The following KHDRBS3 variants were observed in gnomAD, a reference collection of about 807,000 sequenced individuals.
KHDRBS3 encodes the protein KH domain-containing, RNA-binding, signal transduction-associated protein 3.
In KHDRBS3, 23 loss-of-function variants were observed where a neutral mutation model predicts 45.6. The observed-to-expected ratio is 0.50, with a 90% CI of 0.36 to 0.72. The LOEUF (loss-of-function observed/expected upper bound fraction) is 0.72, where lower values mean the gene tolerates loss of function less well. Ranked by LOEUF, KHDRBS3 falls within the 30% of genes least tolerant of loss-of-function variation. The probability of loss-of-function intolerance (pLI) is 0.00; values close to 1 mark genes in which losing one functional copy is unlikely to be tolerated. For missense variants in KHDRBS3, 352 were observed against 424.8 expected (o/e 0.83, Z 1.51); for synonymous variants, 162 against 156.5 (o/e 1.04, Z -0.26).
At chr8:135,589,504 G>A (rs969485404) in intron 6 of KHDRBS3, among the ~76,000 whole-genome samples, 1 of 152,198 alleles carries the variant, frequency 6.6e-6, no homozygotes, top group East Asian at 1.9e-4. Context: ...AGCAGGAACT[G>A]TAAACTGTTT....
At position 135,535,868 on chromosome 8, in the gene KHDRBS3, T is replaced by C. The variant is rs138859640; in HGVS notation, c.208-6786T>C. On this transcript the variant is annotated intron_variant, in intron 2 of 8. Coordinates refer to ENST00000355849, the MANE Select transcript of KHDRBS3 (RefSeq NM_006558.3). ...GGTCCCTGCTTCTAAGATGGTGCCTTAAACACCGATTCCTCCTGAAGATTA... is the reference window on the plus strand; with the variant it reads ...GGTCCCTGCTTCTAAGATGGTGCCTCAAACACCGATTCCTCCTGAAGATTA... Among the ~76,000 whole-genome samples the C allele has an allele frequency of 4.7e-3, 709 of 152,288 alleles. 2 individuals are homozygous for C. The highest frequency in any genetic ancestry group is 7.2e-3 in the Non-Finnish European group (488 of 68,028).
At chr8:135,560,414 T>TA (rs1827113818) in intron 5 of KHDRBS3, among the ~76,000 whole-genome samples, 1 of 152,120 alleles carries the variant, frequency 6.6e-6, no homozygotes, top group South Asian at 2.1e-4. Flanking sequence ...AAATTACTCT[T>TA]ACACCTTTTT....
intron 7 of KHDRBS3, among the ~76,000 whole-genome samples, chr8:135,620,241 T>C (rs1308738665): frequency 6.6e-6 from 1 of 152,124 alleles, no homozygotes; most frequent in Non-Finnish European, 1.5e-5. Flanking sequence ...ACTGTCACTT[T>C]ACTCTTTAAT....
intron 6 of KHDRBS3, among the ~76,000 whole-genome samples, chr8:135,602,577 T>C (rs1015431070): frequency 1.7e-5 from 1 of 57,354 alleles, no homozygotes; most frequent in African/African-American, 3.8e-5. Flanking sequence ...AATATTTTAG[T>C]TTTTTTTTTA....
At chr8:135,475,268 G>A (rs1407697610) in intron 1 of KHDRBS3, among the ~76,000 whole-genome samples, 1 of 152,118 alleles carries the variant, frequency 6.6e-6, no homozygotes, top group Non-Finnish European at 1.5e-5. Flanking sequence ...ATGACTGTGT[G>A]TGGCAAAAAA....
At chr8:135,564,639 A>AT (rs1178124469) in intron 5 of KHDRBS3, among the ~76,000 whole-genome samples, 2 of 151,856 alleles carry the variant, frequency 1.3e-5, no homozygotes, top group Non-Finnish European at 2.9e-5. Context: ...ATTTTTCATT[A>AT]TTTTTTTGTC....
intron 2 of KHDRBS3, among the ~76,000 whole-genome samples, chr8:135,526,306 TATA>T (rs1365400176): frequency 3.3e-5 from 5 of 151,838 alleles, no homozygotes; most frequent in Non-Finnish European, 7.4e-5. Context: ...GAAGAAAAAT[TATA>T]ATATTTAAAT....
chr8:135,573,907 ACT>A (rs1484893571), intron 5 of KHDRBS3, among the ~76,000 whole-genome samples: 1 of 150,636 alleles, frequency 6.6e-6, no homozygotes, highest in Non-Finnish European at 1.5e-5. Flanking sequence ...TGCTTTCAAA[ACT>A]CTATGCAGAT....
At chr8:135,646,481 G>A (rs533801085) in intron 8 of KHDRBS3, among the ~76,000 whole-genome samples, 1 of 152,262 alleles carries the variant, frequency 6.6e-6, no homozygotes, top group Non-Finnish European at 1.5e-5. Context: ...CCGTGAAAGC[G>A]CCTGTGAAAA....
intron 5 of KHDRBS3, among the ~76,000 whole-genome samples, chr8:135,561,903 A>G (rs1469545895): frequency 2.0e-5 from 3 of 152,192 alleles, no homozygotes; most frequent in Admixed American, 6.5e-5. Flanking sequence ...GGATAAAGAT[A>G]TAAAGAAAAT....
intron 5 of KHDRBS3, among the ~76,000 whole-genome samples, chr8:135,576,441 A>G (rs1468110379): frequency 6.6e-6 from 1 of 152,170 alleles, no homozygotes; most frequent in African/African-American, 2.4e-5. Context: ...ACTCATGGAT[A>G]TTAATTTTAT....
At chr8:135,573,464 A>G (rs1303895910) in intron 5 of KHDRBS3, among the ~76,000 whole-genome samples, 2 of 152,196 alleles carry the variant, frequency 1.3e-5, no homozygotes, top group Non-Finnish European at 2.9e-5. Context: ...CTGTGTACTA[A>G]TTACCACTTA....
chr8:135,641,169 A>G (rs1025682892), intron 7 of KHDRBS3, among the ~76,000 whole-genome samples: 1 of 152,062 alleles, frequency 6.6e-6, no homozygotes, highest in African/African-American at 2.4e-5. Context: ...AACATTCTTT[A>G]CCCTCATTTT....
At chr8:135,601,983 G>A (rs535501159) in intron 6 of KHDRBS3, among the ~76,000 whole-genome samples, 67 of 152,254 alleles carry the variant, frequency 4.4e-4, no homozygotes, top group South Asian at 1.9e-3. Context: ...CCTGCTAAAC[G>A]CTCAGATCAC....
chr8:135,479,181 C>G (rs78711242), intron 1 of KHDRBS3, among the ~76,000 whole-genome samples: 1 of 152,146 alleles, frequency 6.6e-6, no homozygotes. Flanking sequence ...ATAGGGAATA[C>G]TATGAACAAC....
intron 1 of KHDRBS3, among the ~76,000 whole-genome samples, chr8:135,499,031 C>T (rs1213600282): frequency 6.6e-6 from 1 of 151,980 alleles, no homozygotes; most frequent in Non-Finnish European, 1.5e-5. Flanking sequence ...ATTTCTCATA[C>T]CCTACAACCA....
rs541604885 is a variant in KHDRBS3 at position 135,655,672 on chromosome 8, G to T, written c.*118-554G>T. ...CTAGGGCCTGGGACTTGTATGACCA[G>T]AGTCGTGAGAAGTCAACATCACCAC... On this transcript the variant is annotated intron_variant and NMD_transcript_variant, in intron 4 of 4. Transcript: ENST00000521461. Among the ~76,000 whole-genome samples, 4 of 152,352 alleles carry T rather than the reference G, an allele frequency of 2.6e-5. No individual in the cohort carries two copies. The East Asian group carries it at 7.7e-4, about 29-fold the overall frequency.
In KHDRBS3 at chr8:135,621,720, G is replaced by A. The variant is rs112341804; in HGVS notation, c.890+14683G>A. Among the ~76,000 whole-genome samples the A allele has an allele frequency of 3.1e-3, 462 of 148,524 alleles. 3 individuals are homozygous for A. The highest frequency in any genetic ancestry group is 0.01 in the African/African-American group (409 of 40,652). ...AGAAGAGCACAAAAAAAAAAAAAAC[G>A]TGCAGTGGTCCTATGAAGAGATTGA... On this transcript the variant is annotated intron_variant, in intron 7 of 8. Coordinates refer to ENST00000355849, the MANE Select transcript of KHDRBS3 (RefSeq NM_006558.3).
chr8:135,554,475 A>T (rs934876378), intron 4 of KHDRBS3, among the ~76,000 whole-genome samples: 6 of 152,186 alleles, frequency 3.9e-5, no homozygotes, highest in Admixed American at 6.5e-5. Context: ...TTTTCAGTAA[A>T]ATGGCTGGGA....
Sources: allele counts gnomAD v4.1 joint callset (sites outside exome capture counted in the v4.1 genomes callset), GRCh38; gene constraint gnomAD v4.1.1; transcripts MANE v1.5; gene names NCBI Gene and HGNC (gene_info 2026-07-23, HGNC 2026-07-21).